Variants in FAM135A observed in about 807,000 individuals in gnomAD.
FAM135A encodes the protein protein FAM135A.
FAM135A carries 79 observed loss-of-function variants against 146.8 expected under a neutral mutation model. The observed-to-expected ratio is 0.54, with a 90% CI of 0.45 to 0.65. FAM135A has a LOEUF of 0.65. Ranked by LOEUF, FAM135A falls within the 30% of genes least tolerant of loss-of-function variation. The pLI is 0.00. For missense variants in FAM135A, 1,623 were observed against 1,758.2 expected (o/e 0.92, Z 1.38); for synonymous variants, 562 against 603.6 (o/e 0.93, Z 1.01).
intron 10 of FAM135A, among the ~76,000 whole-genome samples, chr6:70,486,588 A>G (rs1019052194): frequency 1.3e-5 from 2 of 152,158 alleles, no homozygotes; most frequent in Non-Finnish European, 2.9e-5. Flanking sequence ...AAATTTGCTC[A>G]GTTATTTTAT....
intron 10 of FAM135A, among the ~76,000 whole-genome samples, chr6:70,486,512 C>G (rs1262715755): frequency 6.6e-6 from 1 of 152,032 alleles, no homozygotes; most frequent in Non-Finnish European, 1.5e-5. Flanking sequence ...TTTAAAGTTT[C>G]TATGAAGAGC....
chr6:70,496,772 ATTT>A (rs60713372), intron 11 of FAM135A, among the ~76,000 whole-genome samples: 1 of 143,272 alleles, frequency 7.0e-6, no homozygotes, highest in East Asian at 2.0e-4. Context: ...TCCTTTCCCC[ATTT>A]TTTTTTTTTT....
At chr6:70,432,974 A>G (rs552296079) in intron 4 of FAM135A, among the ~76,000 whole-genome samples, 29 of 152,218 alleles carry the variant, frequency 1.9e-4, no homozygotes, top group Middle Eastern at 6.8e-3. Flanking sequence ...TTAAAAACTT[A>G]TACAGTTTAT....
At chr6:70,442,284 G>A (rs771197558) in intron 4 of FAM135A, among the ~76,000 whole-genome samples, 25 of 145,492 alleles carry the variant, frequency 1.7e-4, no homozygotes, top group Non-Finnish European at 1.9e-4. Context: ...TGAGGAATAG[G>A]CAGTCAAAAT....
At chr6:70,471,207 T>G (rs1781555286) in intron 5 of FAM135A, among the ~76,000 whole-genome samples, 2 of 152,140 alleles carry the variant, frequency 1.3e-5, no homozygotes, top group South Asian at 4.1e-4. Context: ...TTTATCCAGG[T>G]CAATATGACA....
chr6:70,445,966 A>C (rs563578068), intron 4 of FAM135A, among the ~76,000 whole-genome samples: 1 of 152,258 alleles, frequency 6.6e-6, no homozygotes, highest in Admixed American at 6.5e-5. Flanking sequence ...TCTGCAGACT[A>C]TACAAAGACA....
intron 12 of FAM135A, among the ~76,000 whole-genome samples, chr6:70,507,620 A>G (rs1347930778): frequency 6.6e-6 from 1 of 152,158 alleles, no homozygotes; most frequent in Non-Finnish European, 1.5e-5. Flanking sequence ...CAACTATATT[A>G]TTTAATATTA....
At chr6:70,491,774 A>G (rs939761721) in intron 11 of FAM135A, among the ~76,000 whole-genome samples, 1 of 151,870 alleles carries the variant, frequency 6.6e-6, no homozygotes, top group Non-Finnish European at 1.5e-5. Context: ...CAAGTAAGAT[A>G]TTTTCTTTAA....
rs554341443 is a variant in FAM135A, at chr6:70,486,727, G to A, written c.824-4307G>A. Among the ~76,000 whole-genome samples the A allele has an allele frequency of 7.9e-5, 12 of 152,164 alleles. No homozygotes were observed. The South Asian group carries it at 1.2e-3, about 16-fold the overall frequency. ...GCAGATCACCTGAGGTCAGAAGTTGGAGACTAGCCTGACCAACATAATGAA... is the reference window on the plus strand; with the variant it reads ...GCAGATCACCTGAGGTCAGAAGTTGAAGACTAGCCTGACCAACATAATGAA... On this transcript the variant is annotated intron_variant, in intron 10 of 21. Transcript: ENST00000418814.
At chr6:70,540,002 A>G (rs1303469984) in intron 20 of FAM135A, among the ~76,000 whole-genome samples, 2 of 152,202 alleles carry the variant, frequency 1.3e-5, no homozygotes, top group African/African-American at 4.8e-5. Flanking sequence ...TCTCAAAAAA[A>G]AGAAAGACAT....
intron 19 of FAM135A, 23 bp from the exon 20 acceptor site, chr6:70,538,268 C>A: frequency 7.7e-7 from 1 of 1,302,478 alleles, no homozygotes; most frequent in South Asian, 2.1e-5. Context: ...TTTCATACTT[C>A]TATATCATAT....
At chr6:70,437,112 T>C (rs912374149) in intron 4 of FAM135A, among the ~76,000 whole-genome samples, 2 of 152,088 alleles carry the variant, frequency 1.3e-5, no homozygotes, top group Non-Finnish European at 2.9e-5. Flanking sequence ...TAATGAAAAG[T>C]TTTCTGCATC....
intron 21 of FAM135A, 107 bp downstream of exon 21, chr6:70,556,970 T>G (rs1432025147): frequency 1.7e-5 from 13 of 780,040 alleles, no homozygotes; most frequent in Non-Finnish European, 2.8e-5. Flanking sequence ...TCTTTCCTGT[T>G]ACTTCCTTTC....
rs1160812550 is a variant in FAM135A, at chr6:70,546,876, AAG to A, written c.4228+8477_4228+8478del. Among the ~76,000 whole-genome samples, 8 of 152,322 alleles carry A rather than the reference AAG, an allele frequency of 5.3e-5. No individual in the cohort carries two copies. The East Asian group carries it at 1.3e-3, about 26-fold the overall frequency. On this transcript the variant is annotated intron_variant, in intron 20 of 21. Transcript: ENST00000418814. Reference sequence around the variant, plus strand: ...TCAGCATTGGATAGCAGGGAAAAGAAAGATGAAGGAGCTAGAGCAATGTGGAA... The same window carrying A: ...TCAGCATTGGATAGCAGGGAAAAGAAATGAAGGAGCTAGAGCAATGTGGAA...
chr6:70,538,860 A>G (rs1019977111), intron 20 of FAM135A, among the ~76,000 whole-genome samples: 26 of 140,296 alleles, frequency 1.9e-4, no homozygotes, highest in Non-Finnish European at 3.7e-4. Flanking sequence ...ATTATATTAT[A>G]TGGCTAGCAA....
At chr6:70,427,244 A>G (rs969502260) in intron 3 of FAM135A, among the ~76,000 whole-genome samples, 1 of 152,128 alleles carries the variant, frequency 6.6e-6, no homozygotes, top group Non-Finnish European at 1.5e-5. Flanking sequence ...ATAGTTAACA[A>G]TTAATGGCCG....
intron 12 of FAM135A, among the ~76,000 whole-genome samples, chr6:70,518,552 A>G (rs1257432689): frequency 2.6e-5 from 4 of 152,222 alleles, no homozygotes; most frequent in African/African-American, 9.6e-5. Flanking sequence ...TTTCATAGCT[A>G]GAAAAGAGAA....
chr6:70,558,269 T>C (rs13219831), intron 21 of FAM135A, among the ~76,000 whole-genome samples: 1 of 152,216 alleles, frequency 6.6e-6, no homozygotes, highest in South Asian at 2.1e-4. Context: ...TGTACTTCTG[T>C]GTACTTTTCC....
Position 70,536,365 on chromosome 6 carries a change from A to G in FAM135A, c.4071A>G (p.Gly1357=), listed in dbSNP as rs1267543999. 9.9e-6 allele frequency: 16 copies of G among 1,613,306 alleles called. No individual in the cohort carries two copies. Among genetic ancestry groups the G allele is most frequent in the East Asian group, 4.5e-5 (2 of 44,744 alleles). Residue 1357 remains glycine, a synonymous_variant, in exon 19 of 22, where the codon GGA becomes GGG. Coordinates refer to ENST00000418814, the MANE Select transcript of FAM135A (RefSeq NM_001162529.3). The part of the protein sequence containing the change: ...NKLHTFLSLS[G]PHLGTLYNSS... ...TTCATACCTTTCTGTCTCTTTCTGG[A>G]CCTCACCTTGGTACACTCTACAACA...
Sources: allele counts gnomAD v4.1 joint callset (sites outside exome capture counted in the v4.1 genomes callset), GRCh38; gene constraint gnomAD v4.1.1; transcripts MANE v1.5; gene names NCBI Gene and HGNC (gene_info 2026-07-23, HGNC 2026-07-21).